The following MED12L variants were observed in gnomAD, a reference collection of about 807,000 sequenced individuals.
MED12L encodes the protein mediator complex subunit 12L.
A neutral mutation model predicts 281.3 loss-of-function variants in MED12L; 60 were observed. That is an observed-to-expected ratio of 0.21 (90% confidence interval 0.17 to 0.26). The LOEUF is 0.26. Ranked by LOEUF, MED12L falls within the 10% of genes least tolerant of loss-of-function variation. The probability of loss-of-function intolerance (pLI) is 1.00; values close to 1 mark genes in which losing one functional copy is unlikely to be tolerated. For synonymous variants in MED12L, 974 were observed against 987.2 expected (o/e 0.99, Z 0.25); for missense variants, 2,146 against 2,680.9 (o/e 0.80, Z 4.41).
In MED12L at chr3:151,190,723, C is replaced by A; in HGVS notation, c.1760C>A (p.Pro587Gln). Residue 587 changes from proline to glutamine, a missense_variant, in exon 14 of 45, where the codon CCA (proline) becomes CAA (glutamine). By Grantham distance (76) the Pro-to-Gln change is moderately conservative (BLOSUM62 -1). Transcript: ENST00000687756. ...TGAATTTGTTTCTCTATAGCGGACC[C>A]AAACAGTGAATGTGAAAAGGTGGAA... is the stretch of plus-strand genomic sequence containing the variant. ...LDTQAPSLSDPNSECEKVEFV... is the reference protein window; with the variant it reads ...LDTQAPSLSDQNSECEKVEFV... The A allele has an allele frequency of 6.2e-7, 1 of 1,614,094 alleles. No homozygotes were observed. The highest frequency in any genetic ancestry group is 8.5e-7 in the Non-Finnish European group (1 of 1,179,996).
In MED12L at chr3:151,140,668, T is replaced by C. The variant is rs190082953; in HGVS notation, c.556+12684T>C. On this transcript the variant is annotated intron_variant, in intron 5 of 44. Coordinates refer to ENST00000687756, the MANE Select transcript of MED12L (RefSeq NM_001393769.1). ...AGAAAATGTATGCCCATGATAGTTT[T>C]TGAATTTATTTATTTATTATTTATT... Among the ~76,000 whole-genome samples the C allele has an allele frequency of 2.5e-3, 338 of 134,702 alleles. 1 individual carries two copies. The highest frequency in any genetic ancestry group is 4.1e-3 in the Non-Finnish European group (268 of 65,826). 88.4% of individuals were successfully genotyped at this position (134,702 alleles called of 152,430 possible).
At chr3:151,201,233 T>A (rs1024986916) in intron 16 of MED12L, among the ~76,000 whole-genome samples, 4 of 152,130 alleles carry the variant, frequency 2.6e-5, no homozygotes, top group African/African-American at 7.2e-5. Flanking sequence ...ACTCTCTCTC[T>A]CTCTCTCTCT....
intron 39 of MED12L, among the ~76,000 whole-genome samples, chr3:151,396,028 C>G (rs1714922449): frequency 6.6e-6 from 1 of 152,166 alleles, no homozygotes; most frequent in South Asian, 2.1e-4. Context: ...TCACCATGTG[C>G]TTGTCTCTTC....
chr3:151,184,115 A>G (rs538619004), intron 11 of MED12L, among the ~76,000 whole-genome samples: 135 of 152,348 alleles, frequency 8.9e-4, no homozygotes, highest in Non-Finnish European at 1.7e-3. Flanking sequence ...CCTTTGAGGT[A>G]TCTGCCTCAG....
intron 16 of MED12L, chr3:151,214,422 G>A: frequency 1.0e-6 from 1 of 956,532 alleles, no homozygotes; most frequent in South Asian, 1.6e-5. Flanking sequence ...AAAGGGCAAT[G>A]AATATAGTCA....
intron 12 of MED12L, among the ~76,000 whole-genome samples, chr3:151,186,641 G>A (rs1723322964): frequency 6.6e-6 from 1 of 152,178 alleles, no homozygotes; most frequent in East Asian, 1.9e-4. Flanking sequence ...CTCAAGAAGT[G>A]TACCTTCCTT....
At chr3:151,233,937 A>G (rs759983033) in intron 16 of MED12L, among the ~76,000 whole-genome samples, 1 of 152,230 alleles carries the variant, frequency 6.6e-6, no homozygotes, top group Non-Finnish European at 1.5e-5. Flanking sequence ...AAAATTGTTC[A>G]TGCTATATGT....
chr3:151,176,559 T>C (rs572106738), intron 11 of MED12L, among the ~76,000 whole-genome samples: 1 of 152,154 alleles, frequency 6.6e-6, no homozygotes, highest in African/African-American at 2.4e-5. Flanking sequence ...TTTTCTTGTT[T>C]ATTTTTTTCT....
In MED12L at chr3:151,369,797, C is replaced by G. The variant is rs892608891; in HGVS notation, c.3664+248C>G. 3.3e-5 allele frequency among the ~76,000 whole-genome samples: 5 copies of G among 152,210 alleles called. No homozygotes were observed. In the East Asian group the frequency reaches 9.6e-4, roughly 29 times the overall value. Reference sequence around the variant, plus strand: ...TTATGGTATTTTAGTTGCATAATGTCTCATTCTGATGTAAAATAGGTCCTC... The same window carrying G: ...TTATGGTATTTTAGTTGCATAATGTGTCATTCTGATGTAAAATAGGTCCTC... On this transcript the variant is annotated intron_variant, in intron 26 of 44. Coordinates refer to ENST00000687756, the MANE Select transcript of MED12L (RefSeq NM_001393769.1).
At chr3:151,212,367 C>T (rs1398595820) in intron 16 of MED12L, 1 of 152,062 alleles carries the variant, frequency 6.6e-6, no homozygotes, top group Non-Finnish European at 1.5e-5. Context: ...TGTTATTTTG[C>T]ACTCATTAAT....
chr3:151,138,387 T>G (rs1716458772), intron 5 of MED12L, among the ~76,000 whole-genome samples: 4 of 152,184 alleles, frequency 2.6e-5, no homozygotes, highest in Admixed American at 2.6e-4. Flanking sequence ...TGCAAACAGT[T>G]TCTCCCATTA....
intron 16 of MED12L, among the ~76,000 whole-genome samples, chr3:151,310,511 C>G (rs1747358838): frequency 6.6e-6 from 1 of 152,142 alleles, no homozygotes; most frequent in Non-Finnish European, 1.5e-5. Context: ...AAAGTTATTT[C>G]TACTCTACAT....
chr3:151,111,404 T>C (rs1490286146), intron 2 of MED12L, among the ~76,000 whole-genome samples: 1 of 152,188 alleles, frequency 6.6e-6, no homozygotes, highest in African/African-American at 2.4e-5. Context: ...TGGTAGAAAC[T>C]ATTACTATCC....
intron 5 of MED12L, among the ~76,000 whole-genome samples, chr3:151,137,196 A>G (rs1386883443): frequency 6.6e-6 from 1 of 151,992 alleles, no homozygotes; most frequent in Non-Finnish European, 1.5e-5. Flanking sequence ...AGAACGAAAA[A>G]AAGTTTATTT....
intron 36 of MED12L, among the ~76,000 whole-genome samples, chr3:151,387,442 C>T (rs776998194): frequency 2.9e-4 from 44 of 152,088 alleles, no homozygotes; most frequent in Non-Finnish European, 5.6e-4. Flanking sequence ...AAATAGATTA[C>T]AGAGATTTAG....
intron 16 of MED12L, among the ~76,000 whole-genome samples, chr3:151,258,716 G>T (rs1475723223): frequency 6.6e-6 from 1 of 152,130 alleles, no homozygotes; most frequent in Non-Finnish European, 1.5e-5. Context: ...GCCAGGTGTG[G>T]TGGTGCATGC....
chr3:151,387,821 C>T lies in MED12L; in HGVS notation c.5100C>T (p.Val1700=). 1.2e-6 allele frequency: 2 copies of T among 1,611,980 alleles called. No homozygotes were observed. ...CTATTTTCCCACAGGGTCTCCAGGTCTCTACGAAGCAGAAGGTGTCCCCGT... is the reference window on the plus strand; with the variant it reads ...CTATTTTCCCACAGGGTCTCCAGGTTTCTACGAAGCAGAAGGTGTCCCCGT... ...DSIDKKQGLQ[V]STKQKVSPWD... The change falls in exon 37 of 45, where the codon GTC becomes GTT. Residue 1700 remains valine, a synonymous_variant. Coordinates refer to ENST00000687756, the MANE Select transcript of MED12L (RefSeq NM_001393769.1).
chr3:151,317,904 TAATC>T (rs1431825659), intron 16 of MED12L, among the ~76,000 whole-genome samples: 8 of 138,866 alleles, frequency 5.8e-5, no homozygotes, highest in African/African-American at 2.1e-4. Context: ...TAAATGAAAA[TAATC>T]AAAGGTGAAA....
chr3:151,332,738 A>T (rs191805992), intron 16 of MED12L, among the ~76,000 whole-genome samples: 3,142 of 150,904 alleles, frequency 0.021, 40 homozygotes, highest in Middle Eastern at 0.058. Flanking sequence ...GACTGACGTG[A>T]TTTTTTTTTT....
Sources: gnomAD v4.1 joint callset for allele counts (sites outside exome capture counted in the v4.1 genomes callset) on GRCh38, gnomAD v4.1.1 for gene constraint, MANE v1.5 for transcripts, NCBI Gene and HGNC (gene_info 2026-07-23, HGNC 2026-07-21) for gene names.